MAN1C1: variants seen among roughly 807,000 people sequenced by gnomAD.
MAN1C1 encodes mannosyl-oligosaccharide 1,2-alpha-mannosidase IC.
Under a neutral mutation model 71.5 loss-of-function variants are expected in MAN1C1, and 49 were observed. The ratio of observed to expected loss-of-function variants is 0.69; its 90% CI spans 0.54 to 0.87. The LOEUF (loss-of-function observed/expected upper bound fraction) is 0.87. Ranked by LOEUF, MAN1C1 falls within the 40% of genes least tolerant of loss-of-function variation. The pLI is 0.00. For synonymous variants in MAN1C1, 352 were observed against 343.7 expected (o/e 1.02, Z -0.27); for missense variants, 743 against 835.0 (o/e 0.89, Z 1.36).
In MAN1C1 at chr1:25,666,681, C is replaced by G. The variant is rs368893063; in HGVS notation, c.541-19759C>G. Among the ~76,000 whole-genome samples the G allele has an allele frequency of 2.6e-5, 4 of 152,328 alleles. No individual in the cohort carries two copies. In the East Asian group the frequency reaches 7.7e-4, roughly 29 times the overall value. On this transcript the variant is annotated intron_variant, in intron 1 of 11. Transcript: ENST00000374332. Reference sequence around the variant, plus strand: ...TAATAGATTCTTTTCAGCTGCTGTGCTCAGAATTGAGAAAACCTGATGGTT... The same window carrying G: ...TAATAGATTCTTTTCAGCTGCTGTGGTCAGAATTGAGAAAACCTGATGGTT...
At chr1:25,651,225 G>A (rs867183676) in intron 1 of MAN1C1, among the ~76,000 whole-genome samples, 1 of 152,366 alleles carries the variant, frequency 6.6e-6, no homozygotes. Flanking sequence ...GAGGAGAAGC[G>A]GGCAGACTGG....
chr1:25,678,153 T>C lies in MAN1C1; in HGVS notation c.541-8287T>C, dbSNP rs80098676. Among the ~76,000 whole-genome samples the C allele has an allele frequency of 9.8e-3, 1,498 of 152,322 alleles. 27 individuals are homozygous for C. Among genetic ancestry groups the C allele is most frequent in the African/African-American group, 0.032 (1,332 of 41,564 alleles). On this transcript the variant is annotated intron_variant, in intron 1 of 11. Transcript: ENST00000374332. ...AGTCTTTTTTGTAAACACTCATACA[T>C]AGGCCAGTGAATTTCATACTATGTA...
chr1:25,632,798 G>C (rs2045402114), intron 1 of MAN1C1, among the ~76,000 whole-genome samples: 1 of 151,400 alleles, frequency 6.6e-6, no homozygotes, highest in Non-Finnish European at 1.5e-5. Flanking sequence ...CATTTTGAGG[G>C]TTCCTTTTGG....
At chr1:25,722,189 C>G (rs1235394723) in intron 2 of MAN1C1, among the ~76,000 whole-genome samples, 4 of 152,088 alleles carry the variant, frequency 2.6e-5, no homozygotes, top group Non-Finnish European at 5.9e-5. Flanking sequence ...CTGTCTTTTC[C>G]CTGGAAGCTT....
chr1:25,637,032 G>T (rs2045471831), intron 1 of MAN1C1, among the ~76,000 whole-genome samples: 1 of 152,120 alleles, frequency 6.6e-6, no homozygotes, highest in South Asian at 2.1e-4. Context: ...GCATGTGCCT[G>T]TAATCCCAGC....
At chr1:25,656,805 G>A (rs980268953) in intron 1 of MAN1C1, among the ~76,000 whole-genome samples, 2 of 151,436 alleles carry the variant, frequency 1.3e-5, no homozygotes, top group Non-Finnish European at 2.9e-5. Flanking sequence ...AGAGAGAGAT[G>A]GAAAGATAGA....
intron 2 of MAN1C1, among the ~76,000 whole-genome samples, chr1:25,697,508 G>A (rs570435700): frequency 3.9e-5 from 6 of 152,328 alleles, no homozygotes; most frequent in South Asian, 2.1e-4. Context: ...ATGCTGATAC[G>A]AACATTCATG....
chr1:25,653,413 A>C (rs1258526918), intron 1 of MAN1C1, among the ~76,000 whole-genome samples: 1 of 152,072 alleles, frequency 6.6e-6, no homozygotes, highest in Non-Finnish European at 1.5e-5. Flanking sequence ...ACCATTTCCC[A>C]ATACTGCTGG....
intron 1 of MAN1C1, among the ~76,000 whole-genome samples, chr1:25,669,644 C>A (rs994255687): frequency 6.6e-6 from 1 of 152,078 alleles, no homozygotes; most frequent in Non-Finnish European, 1.5e-5. Flanking sequence ...TGGTGGCACA[C>A]ACCTGCTACT....
chr1:25,778,355 G>C lies in MAN1C1; in HGVS notation c.1477+31G>C. 6.3e-7 allele frequency: 1 copy of C among 1,580,206 alleles called. No individual in the cohort carries two copies. Among genetic ancestry groups the C allele is most frequent in the Non-Finnish European group, 8.6e-7 (1 of 1,158,632 alleles). ...CCTGCAAGGGGAAGGGGCAGCAGGA[G>C]AGACTGAGGCTAGACACCAGGAAGA... On this transcript the variant is annotated intron_variant, in intron 9 of 11. Transcript: ENST00000374332. This position sits in a 1 kb window ranked among gnomAD's most constrained non-coding sequence, Gnocchi z 5.5.
At chr1:25,661,000 T>A (rs1159978876) in intron 1 of MAN1C1, among the ~76,000 whole-genome samples, 1 of 152,196 alleles carries the variant, frequency 6.6e-6, no homozygotes, top group Non-Finnish European at 1.5e-5. Flanking sequence ...CAAAAGTGTG[T>A]CATTGTAAAT....
chr1:25,666,254 A>G (rs2045923137), intron 1 of MAN1C1, among the ~76,000 whole-genome samples: 1 of 152,190 alleles, frequency 6.6e-6, no homozygotes, highest in Non-Finnish European at 1.5e-5. Context: ...CACCCAGGAA[A>G]CATTTTTGCA....
At position 25,708,324 on chromosome 1, in the gene MAN1C1, G is replaced by A. The variant is rs1007976400; in HGVS notation, c.637+21788G>A. Reference sequence around the variant, plus strand: ...TGCCATGGCATTTATAAATAGTCATGGCGCTGGTGGGAGTGCCTTTTAGCA... The same window carrying A: ...TGCCATGGCATTTATAAATAGTCATAGCGCTGGTGGGAGTGCCTTTTAGCA... On this transcript the variant is annotated intron_variant, in intron 2 of 11. Coordinates refer to ENST00000374332, the MANE Select transcript of MAN1C1 (RefSeq NM_020379.4). Among the ~76,000 whole-genome samples the A allele has an allele frequency of 5.9e-5, 9 of 152,308 alleles. 1 individual carries two copies. Among genetic ancestry groups the A allele is most frequent in the Middle Eastern group, 3.4e-3 (1 of 294 alleles).
intron 1 of MAN1C1, among the ~76,000 whole-genome samples, chr1:25,662,248 A>G (rs1023707766): frequency 6.6e-6 from 1 of 152,220 alleles, no homozygotes; most frequent in South Asian, 2.1e-4. Context: ...ACCTTGTTGA[A>G]TAAGCAAATG....
At chr1:25,672,884 A>G (rs2046011082) in intron 1 of MAN1C1, among the ~76,000 whole-genome samples, 1 of 152,174 alleles carries the variant, frequency 6.6e-6, no homozygotes, top group Non-Finnish European at 1.5e-5. Context: ...GCTCAGTGCC[A>G]TGGGGCTGGC....
intron 2 of MAN1C1, among the ~76,000 whole-genome samples, chr1:25,713,306 A>G (rs2046638346): frequency 6.6e-6 from 1 of 152,242 alleles, no homozygotes; most frequent in South Asian, 2.1e-4. Flanking sequence ...TTGCACCCTC[A>G]TCACAGTCAG....
chr1:25,754,234 A>T (rs1183271439), intron 5 of MAN1C1, among the ~76,000 whole-genome samples: 1 of 152,198 alleles, frequency 6.6e-6, no homozygotes, highest in Non-Finnish European at 1.5e-5. Flanking sequence ...GTTCCACTGC[A>T]CCAGACTTCC....
At chr1:25,748,460 G>A (rs2047168135) in intron 3 of MAN1C1, among the ~76,000 whole-genome samples, 1 of 152,324 alleles carries the variant, frequency 6.6e-6, no homozygotes, top group Admixed American at 6.5e-5. Flanking sequence ...GTCTGGCTGT[G>A]GGCAGGCCTC....
At chr1:25,675,800 T>C (rs1221797146) in intron 1 of MAN1C1, among the ~76,000 whole-genome samples, 1 of 152,226 alleles carries the variant, frequency 6.6e-6, no homozygotes, top group Non-Finnish European at 1.5e-5. Flanking sequence ...GCTCAACACT[T>C]TACATCTGTT....
Sources: gnomAD v4.1 joint callset for allele counts (sites outside exome capture counted in the v4.1 genomes callset) on GRCh38, gnomAD v4.1.1 for gene constraint, Gnocchi (gnomAD v3.1) non-coding constraint, MANE v1.5 for transcripts, NCBI Gene and HGNC (gene_info 2026-07-23, HGNC 2026-07-21) for gene names.